Variants in ERBB4 observed in about 807,000 individuals in gnomAD.
The protein encoded by ERBB4 is erb-b2 receptor tyrosine kinase 4, also known as receptor tyrosine-protein kinase erbB-4.
In ERBB4, 42 loss-of-function variants were observed where a neutral mutation model predicts 158.0. That is an observed-to-expected ratio of 0.27 (90% CI 0.21 to 0.34). The LOEUF (loss-of-function observed/expected upper bound fraction) is 0.34. Among genes scored for constraint, ERBB4 ranks in the 10% least tolerant of loss-of-function variants. The pLI is 1.00. For missense variants in ERBB4, 1,333 were observed against 1,624.1 expected, an observed-to-expected ratio of 0.82 and a Z score of 3.08; for synonymous variants, 583 against 558.7, an observed-to-expected ratio of 1.04 and a Z score of -0.61.
At position 212,477,096 on chromosome 2, in the gene ERBB4, A is replaced by G. The variant is rs150328813; in HGVS notation, c.82+61353T>C. Among the ~76,000 whole-genome samples the G allele has an allele frequency of 2.6e-4, 40 of 152,304 alleles. 1 individual carries two copies. The highest frequency in any genetic ancestry group is 6.8e-3 in the Middle Eastern group (2 of 294). On this transcript the variant is annotated intron_variant, in intron 1 of 27. Coordinates refer to ENST00000342788, the MANE Select transcript of ERBB4 (RefSeq NM_005235.3). ...ATGATCTATGTGAAACACTTAGCAT[A>G]ATGTTTGCCAACTTGTGAGTATCCA...
chr2:212,410,226 T>C lies in ERBB4; in HGVS notation c.82+128223A>G, dbSNP rs549965517. Among the ~76,000 whole-genome samples the C allele has an allele frequency of 1.7e-4, 26 of 150,572 alleles. No individual in the cohort carries two copies. In the South Asian group the frequency reaches 4.9e-3, roughly 28 times the overall value. Reference sequence around the variant, plus strand: ...TTACTGTCATTTATGGTGACAACTCTGTAATGTATTTATTGCTATGTTTAT... The same window carrying C: ...TTACTGTCATTTATGGTGACAACTCCGTAATGTATTTATTGCTATGTTTAT... On this transcript the variant is annotated intron_variant, in intron 1 of 27. Transcript: ENST00000342788.
At chr2:211,396,457 A>T (rs1324118067) in intron 25 of ERBB4, among the ~76,000 whole-genome samples, 2 of 152,188 alleles carry the variant, frequency 1.3e-5, no homozygotes, top group Non-Finnish European at 2.9e-5. Flanking sequence ...TTTACTGGCA[A>T]ATAATAAGGC....
chr2:211,407,836 G>A (rs1333684101), intron 25 of ERBB4, among the ~76,000 whole-genome samples: 1 of 152,208 alleles, frequency 6.6e-6, no homozygotes, highest in African/African-American at 2.4e-5. Context: ...CAAGATCCTT[G>A]TGATTAGGAT....
chr2:212,204,107 C>T (rs1311437281), intron 1 of ERBB4, among the ~76,000 whole-genome samples: 1 of 152,098 alleles, frequency 6.6e-6, no homozygotes, highest in Non-Finnish European at 1.5e-5. Context: ...AAAAATTACT[C>T]AGATCTATTT....
intron 1 of ERBB4, among the ~76,000 whole-genome samples, chr2:212,322,060 A>G (rs1262920930): frequency 1.3e-5 from 2 of 150,458 alleles, no homozygotes; most frequent in East Asian, 3.9e-4. Context: ...TCCTTCTTTC[A>G]TCTTAGGAGT....
At chr2:212,308,863 TG>T (rs1251712455) in intron 1 of ERBB4, among the ~76,000 whole-genome samples, 2 of 150,964 alleles carry the variant, frequency 1.3e-5, no homozygotes, top group Non-Finnish European at 3.0e-5. Flanking sequence ...GCAAGCATAC[TG>T]GGGAAACTAC....
chr2:211,528,542 G>T (rs2125655902), intron 20 of ERBB4, among the ~76,000 whole-genome samples: 1 of 152,008 alleles, frequency 6.6e-6, no homozygotes, highest in African/African-American at 2.4e-5. Context: ...TTAATCCAAT[G>T]GTTGCAGAAT....
intron 14 of ERBB4, among the ~76,000 whole-genome samples, chr2:211,672,800 A>C (rs1242110365): frequency 6.6e-6 from 1 of 152,156 alleles, no homozygotes; most frequent in Non-Finnish European, 1.5e-5. Context: ...CATCCCAAAG[A>C]CAGAATTAGT....
At chr2:211,995,673 G>A (rs540401797) in intron 2 of ERBB4, among the ~76,000 whole-genome samples, 5 of 152,028 alleles carry the variant, frequency 3.3e-5, no homozygotes, top group African/African-American at 9.7e-5. Flanking sequence ...AGGCTCTTGC[G>A]CATTACTGCT....
intron 1 of ERBB4, among the ~76,000 whole-genome samples, chr2:212,439,527 T>C (rs1305948842): frequency 6.6e-6 from 1 of 152,206 alleles, no homozygotes; most frequent in African/African-American, 2.4e-5. Flanking sequence ...TTCAGGTTAC[T>C]AAGGTATGAA....
At chr2:212,344,909 A>C (rs548585563) in intron 1 of ERBB4, among the ~76,000 whole-genome samples, 81 of 152,278 alleles carry the variant, frequency 5.3e-4, no homozygotes, top group African/African-American at 1.9e-3. Context: ...AAATAAGATA[A>C]TGGTAGTACA....
chr2:211,496,501 T>A (rs1173541692), intron 20 of ERBB4, among the ~76,000 whole-genome samples: 1 of 151,850 alleles, frequency 6.6e-6, no homozygotes, highest in African/African-American at 2.4e-5. Context: ...AAAATTCTCT[T>A]TCTCTAACAT....
intron 1 of ERBB4, among the ~76,000 whole-genome samples, chr2:212,514,048 C>CA (rs963431210): frequency 1.1e-4 from 17 of 151,932 alleles, no homozygotes; most frequent in African/African-American, 3.1e-4. Context: ...CAAAACAAAA[C>CA]AAAAAAACAC....
intron 1 of ERBB4, among the ~76,000 whole-genome samples, chr2:212,179,548 A>G (rs1007055268): frequency 6.6e-6 from 1 of 151,548 alleles, no homozygotes; most frequent in Non-Finnish European, 1.5e-5. Context: ...AAAGATTACC[A>G]TGGGTTGTTG....
chr2:211,848,166 C>T (rs62184495), intron 3 of ERBB4, among the ~76,000 whole-genome samples: 22,288 of 151,960 alleles, frequency 0.15, 2,034 homozygotes, highest in African/African-American at 0.25. Context: ...ATATTATCTA[C>T]CTGATATTGG....
intron 1 of ERBB4, among the ~76,000 whole-genome samples, chr2:212,439,100 C>T (rs1367696021): frequency 1.3e-5 from 2 of 152,232 alleles, no homozygotes; most frequent in East Asian, 1.9e-4. Context: ...TTGAAAGGAA[C>T]ACACTTTCAA....
At chr2:211,733,543 A>C (rs1398480894) in intron 5 of ERBB4, among the ~76,000 whole-genome samples, 1 of 150,006 alleles carries the variant, frequency 6.7e-6, no homozygotes. Flanking sequence ...TAAAGTAGTA[A>C]AAAAAAGTCA....
intron 16 of ERBB4, among the ~76,000 whole-genome samples, chr2:211,636,143 A>C (rs2070353145): frequency 6.6e-6 from 1 of 152,000 alleles, no homozygotes; most frequent in Non-Finnish European, 1.5e-5. Flanking sequence ...AGAAGGAAAA[A>C]CAAACAAAGA....
chr2:211,405,892 A>C (rs1451783037), intron 25 of ERBB4, among the ~76,000 whole-genome samples: 2 of 152,130 alleles, frequency 1.3e-5, no homozygotes, highest in Non-Finnish European at 2.9e-5. Flanking sequence ...TCATGTATTA[A>C]TAGTAACGTT....
Sources: allele counts gnomAD v4.1 joint callset (sites outside exome capture counted in the v4.1 genomes callset), GRCh38; gene constraint gnomAD v4.1.1; transcripts MANE v1.5; gene names NCBI Gene and HGNC (gene_info 2026-07-23, HGNC 2026-07-21).